The following F8 variants were observed in gnomAD, a reference collection of about 807,000 sequenced individuals.
F8 encodes coagulation factor VIII.
F8 carries 12 observed loss-of-function variants against 140.6 expected under a neutral mutation model. That is an observed-to-expected ratio of 0.09 (90% CI 0.05 to 0.14). The LOEUF (loss-of-function observed/expected upper bound fraction) is 0.14. Ranked by LOEUF, F8 falls within the 10% of genes least tolerant of loss-of-function variation. The probability of loss-of-function intolerance (pLI) is 1.00; values close to 1 mark genes in which losing one functional copy is unlikely to be tolerated. For missense variants in F8, 1,354 were observed against 1,720.7 expected (o/e 0.79, Z 3.77); for synonymous variants, 585 against 614.6 (o/e 0.95, Z 0.71).
chrX:154,967,602 G>A (rs1239297711), intron 7 of F8, among the ~76,000 whole-genome samples: 1 of 111,875 alleles, frequency 8.9e-6, no homozygotes, highest in East Asian at 2.8e-4. Context: ...GGTTCAATAA[G>A]ATAAAGCATT....
At position 154,980,271 on chromosome X, in the gene F8, C is replaced by T. The variant is rs961348043; in HGVS notation, c.787+4416G>A. Among the ~76,000 whole-genome samples, 3 of 111,707 alleles carry T rather than the reference C, an allele frequency of 2.7e-5. No homozygotes were observed. In the Admixed American group the frequency reaches 2.8e-4, roughly 11 times the overall value. On this transcript the variant is annotated intron_variant, in intron 6 of 25. Transcript: ENST00000360256. Reference sequence around the variant, plus strand: ...TTGAGCTTGCTGATCCTTTCTTCTGCCTGATCAATTCTGTTGCTGATGTCT... The same window carrying T: ...TTGAGCTTGCTGATCCTTTCTTCTGTCTGATCAATTCTGTTGCTGATGTCT...
Position 154,930,478 on chromosome X carries a change from A to G in F8, c.3312T>C (p.Ile1104=), listed in dbSNP as rs1007149891. 8 of 1,207,439 alleles carry G rather than the reference A, an allele frequency of 6.6e-6. No individual in the cohort carries two copies. Among genetic ancestry groups the G allele is most frequent in the Non-Finnish European group, 9.0e-6 (8 of 892,750 alleles). The part of the protein sequence containing the change: ...EMVQQKKEGP[I]PPDAQNPDMS... Reference sequence around the variant, plus strand: ...TATCTGGATTTTGTGCATCTGGTGGAATGGGGCCCTCTTTTTTCTGTTGGA... The same window carrying G: ...TATCTGGATTTTGTGCATCTGGTGGGATGGGGCCCTCTTTTTTCTGTTGGA... Residue 1104 remains isoleucine (I), a synonymous_variant, in exon 14 of 26, where the codon ATT becomes ATC. Transcript: ENST00000360256.
chrX:154,956,707 T>TA (rs2073366656), intron 11 of F8, among the ~76,000 whole-genome samples: 1 of 111,143 alleles, frequency 9.0e-6, no homozygotes, highest in South Asian at 3.8e-4. Flanking sequence ...ATTGGACATA[T>TA]AAAAATGGGG....
intron 13 of F8, among the ~76,000 whole-genome samples, chrX:154,942,598 A>T (rs1302629737): frequency 2.7e-5 from 3 of 111,788 alleles, no homozygotes; most frequent in South Asian, 7.5e-4. Flanking sequence ...AGAAGGAGGA[A>T]TTGGTACCAT....
At chrX:154,871,958 C>T (rs1470131404) in intron 22 of F8, among the ~76,000 whole-genome samples, 4 of 112,468 alleles carry the variant, frequency 3.6e-5, no homozygotes, top group Non-Finnish European at 1.9e-5. Flanking sequence ...TGCTGATCAT[C>T]ACTGGTCATT....
chrX:154,944,963 G>T (rs1321792083), intron 13 of F8, among the ~76,000 whole-genome samples: 1 of 110,124 alleles, frequency 9.1e-6, no homozygotes, highest in Non-Finnish European at 1.9e-5. Flanking sequence ...GGTGGGAATT[G>T]AACAATGAGA....
At position 154,931,913 on chromosome X, in the gene F8, T is replaced by C. The variant is rs187964482; in HGVS notation, c.2114-237A>G. On this transcript the variant is annotated intron_variant, in intron 13 of 25. Transcript: ENST00000360256. The stretch of plus-strand genomic sequence containing the variant: ...GGACTGTGATAAAAATGAATAGATA[T>C]TGGGATTAAAATAGGGAAATGTAAT... 4.4e-5 allele frequency among the ~76,000 whole-genome samples: 5 copies of C among 112,417 alleles called. No individual in the cohort carries two copies. The East Asian group carries it at 1.4e-3, about 31-fold the overall frequency.
At chrX:154,992,816 T>C (rs2073595131) in intron 4 of F8, 120 bp downstream of exon 4, 1 of 636,506 alleles carries the variant, frequency 1.6e-6, no homozygotes, top group South Asian at 2.4e-5. Context: ...ATGAGCATGA[T>C]GCTAGAGTAA....
At chrX:154,904,562 C>G (rs782371221) in intron 16 of F8, 38 bp from the exon 17 acceptor site, 1 of 1,107,217 alleles carries the variant, frequency 9.0e-7, no homozygotes, top group South Asian at 1.8e-5. Flanking sequence ...AGTATAAGCT[C>G]TCTCACCTAT....
At chrX:154,954,868 A>G (rs1394740135) in intron 11 of F8, among the ~76,000 whole-genome samples, 1 of 111,787 alleles carries the variant, frequency 8.9e-6, no homozygotes, top group Non-Finnish European at 1.9e-5. Context: ...TTTATGTGCC[A>G]TGTGTTTTAT....
chrX:154,862,941 G>T (rs945043276), intron 23 of F8, 142 bp downstream of exon 23: 1 of 601,696 alleles, frequency 1.7e-6, no homozygotes, highest in East Asian at 3.3e-5. Context: ...TTCTGGGTTT[G>T]CCCAGGACTA....
At chrX:154,842,070 TAA>T (rs2072526299) in intron 25 of F8, among the ~76,000 whole-genome samples, 1 of 111,993 alleles carries the variant, frequency 8.9e-6, no homozygotes, top group African/African-American at 3.2e-5. Flanking sequence ...CTTTTAACAC[TAA>T]GTTTGGAAAA....
At chrX:154,848,543 G>A (rs1823744192) in intron 25 of F8, among the ~76,000 whole-genome samples, 1 of 112,420 alleles carries the variant, frequency 8.9e-6, no homozygotes, top group South Asian at 3.7e-4. Flanking sequence ...AGACTGCTGT[G>A]CTAGCAATGA....
intron 4 of F8, among the ~76,000 whole-genome samples, chrX:154,992,389 A>C (rs2073592913): frequency 8.9e-6 from 1 of 112,836 alleles, no homozygotes; most frequent in African/African-American, 3.2e-5. Context: ...ATTTATGCTA[A>C]GGTATAAATT....
Position 154,956,945 on chromosome X carries a change from G to A in F8, c.1752+12C>T. ...AGAATGAAACCCAGCACTTGGAAAG[G>A]CAAGAACTCACCTGGTTTCCTCTTT... On this transcript the variant is annotated intron_variant, in intron 11 of 25. Transcript: ENST00000360256. The A allele has an allele frequency of 2.5e-6, 3 of 1,197,583 alleles. No homozygotes were observed. Among genetic ancestry groups the A allele is most frequent in the Non-Finnish European group, 3.4e-6 (3 of 882,569 alleles).
Position 154,837,342 on chromosome X carries a change from T to A in F8, c.*255A>T, listed in dbSNP as rs1003199127. 12 of 387,571 alleles carry A rather than the reference T, an allele frequency of 3.1e-5. No individual in the cohort carries two copies. The highest frequency in any genetic ancestry group is 2.5e-4 in the African/African-American group (10 of 39,711). 31.9% of individuals were successfully genotyped at this position (387,571 alleles called of 1,213,427 possible). On this transcript the variant is annotated 3_prime_UTR_variant, in exon 26 of 26. Transcript: ENST00000360256. ...TCATGCAGGTTTCTCCTCACTTCTT[T>A]TTGCCTAGTTATATTGGAAGGAAGG...
chrX:154,846,414 G>T (rs1156272623), intron 25 of F8, among the ~76,000 whole-genome samples: 7 of 111,628 alleles, frequency 6.3e-5, no homozygotes, highest in East Asian at 5.6e-4. Flanking sequence ...TTGTGTGGGA[G>T]TCTAAGTCTC....
intron 6 of F8, among the ~76,000 whole-genome samples, chrX:154,980,928 A>C (rs1557283483): frequency 8.9e-6 from 1 of 112,215 alleles, no homozygotes; most frequent in Non-Finnish European, 1.9e-5. Flanking sequence ...CTATGATCGC[A>C]CCACTGCACT....
chrX:154,903,826 T>C (rs1204231170), intron 18 of F8, 80 bp downstream of exon 18: 8 of 845,832 alleles, frequency 9.5e-6, no homozygotes, highest in Admixed American at 2.3e-5. Flanking sequence ...TCACTGATTG[T>C]GTTCCCAGTG....
Sources: allele counts gnomAD v4.1 joint callset (sites outside exome capture counted in the v4.1 genomes callset), GRCh38; gene constraint gnomAD v4.1.1; transcripts MANE v1.5; gene names NCBI Gene and HGNC (gene_info 2026-07-23, HGNC 2026-07-21).